The following CTNND2 variants were observed in gnomAD, a reference collection of about 807,000 sequenced individuals.
CTNND2 encodes the protein catenin delta 2.
A neutral mutation model predicts 144.4 loss-of-function variants in CTNND2; 22 were observed. The observed-to-expected ratio is 0.15, with a 90% CI of 0.11 to 0.22. The LOEUF (loss-of-function observed/expected upper bound fraction) is 0.22, where lower values mean the gene tolerates loss of function less well. Ranked by LOEUF, CTNND2 falls within the 10% of genes least tolerant of loss-of-function variation. The pLI is 1.00. For missense variants in CTNND2, 1,353 were observed against 1,618.8 expected, an observed-to-expected ratio of 0.84 and a Z score of 2.82; for synonymous variants, 751 against 695.6, an observed-to-expected ratio of 1.08 and a Z score of -1.25.
At chr5:11,239,242 G>A (rs924684640) in intron 9 of CTNND2, among the ~76,000 whole-genome samples, 16 of 152,274 alleles carry the variant, frequency 1.1e-4, no homozygotes, top group African/African-American at 3.4e-4. Context: ...TAGGGAACAG[G>A]TTTAGGGGCT....
intron 2 of CTNND2, among the ~76,000 whole-genome samples, chr5:11,674,912 G>C (rs1784093012): frequency 6.6e-6 from 1 of 152,070 alleles, no homozygotes; most frequent in Admixed American, 6.5e-5. Context: ...TTTTTAAGTA[G>C]AGACAGGGTT....
chr5:11,370,969 A>C (rs147729231), intron 7 of CTNND2, among the ~76,000 whole-genome samples: 1 of 152,252 alleles, frequency 6.6e-6, no homozygotes, highest in Non-Finnish European at 1.5e-5. Flanking sequence ...AAAAACTGTA[A>C]GGTCAGTTAA....
At chr5:11,009,678 C>A (rs1035833522) in intron 18 of CTNND2, among the ~76,000 whole-genome samples, 1 of 152,152 alleles carries the variant, frequency 6.6e-6, no homozygotes, top group African/African-American at 2.4e-5. Flanking sequence ...ACGAGCGAAG[C>A]CTTGTGAAAT....
intron 2 of CTNND2, among the ~76,000 whole-genome samples, chr5:11,656,140 A>T (rs1348214541): frequency 6.6e-6 from 1 of 152,166 alleles, no homozygotes; most frequent in Non-Finnish European, 1.5e-5. Context: ...AATTACAGTC[A>T]AAGAAGACCC....
chr5:11,224,151 A>G (rs1302509231), intron 10 of CTNND2, among the ~76,000 whole-genome samples: 1 of 152,038 alleles, frequency 6.6e-6, no homozygotes, highest in Non-Finnish European at 1.5e-5. Flanking sequence ...TTTAGTTGTA[A>G]TTCTGTCCCA....
rs1778376848 is a variant in CTNND2 at position 11,580,904 on chromosome 5, C to T, written c.175-15848G>A. On this transcript the variant is annotated intron_variant, in intron 2 of 21. Coordinates refer to ENST00000304623, the MANE Select transcript of CTNND2 (RefSeq NM_001332.4). ...TCAAACAGGGGTAGTTTAGAGGTTT[C>T]ATCATTGTTTTTAGAAGCCCCCTCC... Among the ~76,000 whole-genome samples the T allele has an allele frequency of 2.0e-5, 3 of 152,116 alleles. No individual in the cohort carries two copies. In the South Asian group the frequency reaches 6.2e-4, roughly 32 times the overall value.
intron 10 of CTNND2, among the ~76,000 whole-genome samples, chr5:11,209,934 A>T (rs1218552982): frequency 6.6e-6 from 1 of 151,962 alleles, no homozygotes; most frequent in African/African-American, 2.4e-5. Flanking sequence ...AAACAACAAC[A>T]AAAAAAGTGT....
intron 3 of CTNND2, among the ~76,000 whole-genome samples, chr5:11,523,702 G>C (rs577521493): frequency 6.6e-6 from 1 of 152,238 alleles, no homozygotes; most frequent in South Asian, 2.1e-4. Context: ...TAATGCACCG[G>C]GGACTTCCTG....
chr5:11,359,725 C>G (rs1756251507), intron 8 of CTNND2, among the ~76,000 whole-genome samples: 1 of 152,166 alleles, frequency 6.6e-6, no homozygotes, highest in African/African-American at 2.4e-5. Context: ...GAGCCCATAC[C>G]CTTCTGCTGG....
chr5:11,447,267 G>A (rs183319206), intron 3 of CTNND2, among the ~76,000 whole-genome samples: 4 of 151,784 alleles, frequency 2.6e-5, no homozygotes, highest in South Asian at 4.2e-4. Flanking sequence ...GCTTGAACCC[G>A]GGAGGCGGAG....
intron 3 of CTNND2, among the ~76,000 whole-genome samples, chr5:11,507,519 G>C (rs925496473): frequency 6.6e-6 from 1 of 152,166 alleles, no homozygotes; most frequent in Non-Finnish European, 1.5e-5. Flanking sequence ...TACCACATGG[G>C]CTCCTAGGTG....
chr5:11,473,752 T>C (rs547262114), intron 3 of CTNND2, among the ~76,000 whole-genome samples: 8 of 152,194 alleles, frequency 5.3e-5, no homozygotes, highest in Non-Finnish European at 1.2e-4. Flanking sequence ...AGGAGAAAGT[T>C]AGCAAGGCAC....
At chr5:11,017,045 G>T (rs1741682184) in intron 18 of CTNND2, among the ~76,000 whole-genome samples, 1 of 151,974 alleles carries the variant, frequency 6.6e-6, no homozygotes, top group African/African-American at 2.4e-5. Flanking sequence ...CCAACATGCT[G>T]GGATTACAGG....
chr5:11,128,244 G>A (rs1406478525), intron 12 of CTNND2, among the ~76,000 whole-genome samples: 1 of 152,076 alleles, frequency 6.6e-6, no homozygotes, highest in Non-Finnish European at 1.5e-5. Context: ...AGGCAAAGGG[G>A]AGGGAGAGGC....
intron 2 of CTNND2, among the ~76,000 whole-genome samples, chr5:11,676,980 A>G (rs1330660190): frequency 6.6e-6 from 1 of 152,186 alleles, no homozygotes; most frequent in Non-Finnish European, 1.5e-5. Flanking sequence ...TTGGTCCTCA[A>G]TTAGTTTCTT....
At chr5:11,425,703 T>C (rs374571434) in intron 3 of CTNND2, among the ~76,000 whole-genome samples, 1 of 152,214 alleles carries the variant, frequency 6.6e-6, no homozygotes. Flanking sequence ...ACTGGAAATG[T>C]CCCTGGAAAC....
At chr5:11,467,144 T>C (rs1230938700) in intron 3 of CTNND2, among the ~76,000 whole-genome samples, 2 of 152,212 alleles carry the variant, frequency 1.3e-5, no homozygotes, top group African/African-American at 4.8e-5. Flanking sequence ...AAGAGATCCA[T>C]AGCGTGGCCC....
At chr5:11,480,296 T>C (rs1768123668) in intron 3 of CTNND2, among the ~76,000 whole-genome samples, 1 of 152,194 alleles carries the variant, frequency 6.6e-6, no homozygotes, top group Non-Finnish European at 1.5e-5. Flanking sequence ...TTTTGTCAGC[T>C]TTCATGTTTG....
At chr5:11,687,331 T>G (rs1343613302) in intron 2 of CTNND2, among the ~76,000 whole-genome samples, 2 of 152,214 alleles carry the variant, frequency 1.3e-5, no homozygotes, top group Non-Finnish European at 2.9e-5. Flanking sequence ...CCTGCCCACC[T>G]CACTGGCCTC....
Sources: allele counts gnomAD v4.1 joint callset (sites outside exome capture counted in the v4.1 genomes callset), GRCh38; gene constraint gnomAD v4.1.1; transcripts MANE v1.5; gene names NCBI Gene and HGNC (gene_info 2026-07-23, HGNC 2026-07-21).